Variants in PAXIP1 observed in about 807,000 individuals in gnomAD.
PAXIP1 encodes PAX-interacting protein 1.
In PAXIP1, 19 loss-of-function variants were observed where a neutral mutation model predicts 140.6. The ratio of observed to expected loss-of-function variants is 0.14; its 90% CI spans 0.09 to 0.20. The LOEUF (loss-of-function observed/expected upper bound fraction) is 0.20, where lower values mean the gene tolerates loss of function less well. PAXIP1 is among the 10% of genes least tolerant of loss of function. PAXIP1 has a pLI of 1.00. For synonymous variants in PAXIP1, 442 were observed against 444.6 expected (o/e 0.99, Z 0.07); for missense variants, 920 against 1,208.6 (o/e 0.76, Z 3.54).
At chr7:154,950,678 A>C (rs1808233168) in intron 16 of PAXIP1, 1 of 152,264 alleles carries the variant, frequency 6.6e-6, no homozygotes, top group South Asian at 2.1e-4. Context: ...AAACCTGTAC[A>C]TGGATGTTTT....
chr7:154,990,386 G>A (rs1182951826), intron 4 of PAXIP1, among the ~76,000 whole-genome samples: 5 of 152,270 alleles, frequency 3.3e-5, no homozygotes, highest in East Asian at 1.9e-4. Flanking sequence ...AGGTGAAAAC[G>A]AAATGAGTAT....
In PAXIP1 at chr7:154,946,492, A is replaced by T. The variant is rs753793164; in HGVS notation, c.3133+20T>A. On this transcript the variant is annotated intron_variant, in intron 19 of 20. Coordinates refer to ENST00000404141, the MANE Select transcript of PAXIP1 (RefSeq NM_007349.4). This position sits in a 1 kb window ranked among gnomAD's most constrained non-coding sequence, Gnocchi z 4.9. ...GCTGTGCGTGCACACATACTCACAC[A>T]GGTAAGCGGGGAAACGTACCTATGC... 1.7e-5 allele frequency: 28 copies of T among 1,612,940 alleles called. No individual in the cohort carries two copies. In the South Asian group the frequency reaches 3.1e-4, roughly 18 times the overall value.
intron 1 of PAXIP1, 47 bp downstream of exon 1, chr7:155,002,802 G>C (rs752959207): frequency 8.9e-7 from 1 of 1,128,102 alleles, no homozygotes; most frequent in Non-Finnish European, 1.2e-6. Context: ...GGGGACGGAC[G>C]GGGACGCGGA....
At chr7:154,945,350 A>C (rs566790825) in intron 20 of PAXIP1, 29 of 189,526 alleles carry the variant, frequency 1.5e-4, no homozygotes, top group Non-Finnish European at 2.7e-4. Flanking sequence ...TATAACCATA[A>C]GCTCTTTAGC....
chr7:154,975,094 T>G (rs1563377225), intron 6 of PAXIP1, among the ~76,000 whole-genome samples: 1 of 147,370 alleles, frequency 6.8e-6, no homozygotes, highest in Admixed American at 6.8e-5. Flanking sequence ...GAGGTGGAGG[T>G]TGCAGTGCGC....
intron 14 of PAXIP1, among the ~76,000 whole-genome samples, chr7:154,955,895 T>C (rs1808488203): frequency 6.6e-6 from 1 of 152,246 alleles, no homozygotes; most frequent in African/African-American, 2.4e-5. Flanking sequence ...TTCTTCTTCA[T>C]CAATCCCCTC....
At chr7:154,988,204 CT>C (rs1488551333) in intron 4 of PAXIP1, among the ~76,000 whole-genome samples, 1 of 152,172 alleles carries the variant, frequency 6.6e-6, no homozygotes, top group African/African-American at 2.4e-5. Context: ...CTGTGTACTC[CT>C]GACTTCTCCT....
intron 5 of PAXIP1, among the ~76,000 whole-genome samples, chr7:154,982,886 G>A (rs973506637): frequency 2.0e-5 from 3 of 152,130 alleles, no homozygotes; most frequent in African/African-American, 7.2e-5. Context: ...AAAAAATGGT[G>A]ACGGGAACTA....
In PAXIP1 at chr7:154,968,660, A is replaced by AGCT. The variant is rs1563372463; in HGVS notation, c.1538_1540dup (p.Gln513dup). 1 of 712,670 alleles carries AGCT rather than the reference A, an allele frequency of 1.4e-6. No homozygotes were observed. The highest frequency in any genetic ancestry group is 1.5e-5 in the South Asian group (1 of 67,180). The allele number at this position is 712,670 out of a possible 1,614,324, so 44.1% of individuals were successfully genotyped here. A position where few individuals can be genotyped will look rare whatever the true frequency, so the allele number is the denominator to read the frequency against. On this transcript the variant is annotated inframe_insertion, in exon 7 of 21. Coordinates refer to ENST00000404141, the MANE Select transcript of PAXIP1 (RefSeq NM_007349.4). ...GCTGTGCTGCTGCTGGAGCTGGGCA[A>AGCT]GCTGCTGCTGCTGGAGCTGGTGCTG...
chr7:154,999,584 G>A (rs1288589733), intron 1 of PAXIP1, among the ~76,000 whole-genome samples: 1 of 152,328 alleles, frequency 6.6e-6, no homozygotes, highest in East Asian at 1.9e-4. Context: ...GAATCGGCAA[G>A]CCTTGGTGTC....
intron 4 of PAXIP1, among the ~76,000 whole-genome samples, chr7:154,989,343 G>C (rs1810215581): frequency 6.6e-6 from 1 of 152,206 alleles, no homozygotes; most frequent in Non-Finnish European, 1.5e-5. Context: ...CTATCACAAA[G>C]GCATAAGGAA....
intron 16 of PAXIP1, chr7:154,948,271 T>C: frequency 2.6e-6 from 1 of 387,248 alleles, no homozygotes; most frequent in South Asian, 3.1e-5. Flanking sequence ...ACGGGCTGGG[T>C]GTGGTGGTTC....
At chr7:154,990,949 CA>C in intron 4 of PAXIP1, 56 bp downstream of exon 4, 1 of 1,058,896 alleles carries the variant, frequency 9.4e-7, no homozygotes. Flanking sequence ...TCCAACCATA[CA>C]AAAACTCAGA....
At chr7:154,952,784 C>G (rs1347409032) in intron 16 of PAXIP1, among the ~76,000 whole-genome samples, 1 of 152,204 alleles carries the variant, frequency 6.6e-6, no homozygotes, top group Non-Finnish European at 1.5e-5. Flanking sequence ...TAGAGCATAA[C>G]TACCTGTATG....
At position 154,946,619 on chromosome 7, in the gene PAXIP1, C is replaced by G. The variant is rs373308839; in HGVS notation, c.3058-32G>C. Reference sequence around the variant, plus strand: ...AAAAGAAAATGAGTTTCTCAGTGACCGAACGCTGAATGTGATACAGGGCAA... The same window carrying G: ...AAAAGAAAATGAGTTTCTCAGTGACGGAACGCTGAATGTGATACAGGGCAA... On this transcript the variant is annotated intron_variant, in intron 18 of 20. Coordinates refer to ENST00000404141, the MANE Select transcript of PAXIP1 (RefSeq NM_007349.4). This position sits in a 1 kb window ranked among gnomAD's most constrained non-coding sequence, Gnocchi z 4.9. 10 of 1,613,052 alleles carry G rather than the reference C, an allele frequency of 6.2e-6. No homozygotes were observed. Among genetic ancestry groups the G allele is most frequent in the Middle Eastern group, 3.3e-4 (2 of 6,082 alleles).
chr7:154,965,956 C>G (rs1006493113), intron 8 of PAXIP1, among the ~76,000 whole-genome samples: 2 of 152,154 alleles, frequency 1.3e-5, no homozygotes, highest in Non-Finnish European at 2.9e-5. Flanking sequence ...CTTCCGGTCC[C>G]AGGTCTAGTT....
chr7:154,969,630 C>T (rs1418946242), intron 6 of PAXIP1, among the ~76,000 whole-genome samples: 1 of 152,244 alleles, frequency 6.6e-6, no homozygotes, highest in Admixed American at 6.5e-5. Context: ...ACAGCTGCCA[C>T]TTCCCATTTC....
intron 2 of PAXIP1, among the ~76,000 whole-genome samples, chr7:154,997,224 ATCTT>A (rs746054129): frequency 1.3e-5 from 2 of 152,164 alleles, no homozygotes; most frequent in Admixed American, 6.5e-5. Flanking sequence ...CTTAATGGCA[ATCTT>A]TCTATTTTTT....
At chr7:154,948,791 C>A (rs1435002098) in intron 16 of PAXIP1, 1 of 151,472 alleles carries the variant, frequency 6.6e-6, no homozygotes, top group Admixed American at 6.6e-5. Flanking sequence ...TATATATACA[C>A]TAACTCCTCA....
Sources: gnomAD v4.1 joint callset for allele counts (sites outside exome capture counted in the v4.1 genomes callset) on GRCh38, gnomAD v4.1.1 for gene constraint, Gnocchi (gnomAD v3.1) non-coding constraint, MANE v1.5 for transcripts, NCBI Gene and HGNC (gene_info 2026-07-23, HGNC 2026-07-21) for gene names.